CCDC174: variants seen among roughly 807,000 people sequenced by gnomAD.
CCDC174 encodes the protein coiled-coil domain-containing protein 174.
Under a neutral mutation model 57.1 loss-of-function variants are expected in CCDC174, and 37 were observed. The ratio of observed to expected loss-of-function variants is 0.65; its 90% CI spans 0.50 to 0.85. The LOEUF (loss-of-function observed/expected upper bound fraction) is 0.85, where lower values mean the gene tolerates loss of function less well. Ranked by LOEUF, CCDC174 falls within the 40% of genes least tolerant of loss-of-function variation. The pLI, the probability that CCDC174 is intolerant of heterozygous loss-of-function variation, is 0.00. For synonymous variants in CCDC174, 182 were observed against 190.2 expected, an observed-to-expected ratio of 0.96 and a Z score of 0.35; for missense variants, 540 against 574.3, an observed-to-expected ratio of 0.94 and a Z score of 0.61.
chr3:14,651,809 T>A lies in CCDC174; in HGVS notation c.-28T>A. Reference sequence around the variant, plus strand: ...GCCTGTGTCGGGTAGAAAGGGTCCTTCCTGGACCGGGACCCTCTGCCACGA... The same window carrying A: ...GCCTGTGTCGGGTAGAAAGGGTCCTACCTGGACCGGGACCCTCTGCCACGA... On this transcript the variant is annotated 5_prime_UTR_variant, in exon 1 of 11. Coordinates refer to ENST00000383794, the MANE Select transcript of CCDC174 (RefSeq NM_016474.5). 1 of 1,613,410 alleles carries A rather than the reference T, an allele frequency of 6.2e-7. No individual in the cohort carries two copies. The highest frequency in any genetic ancestry group is 8.5e-7 in the Non-Finnish European group (1 of 1,179,336).
chr3:14,670,023 G>A lies in CCDC174; in HGVS notation c.1042G>A (p.Val348Ile). ...AAQSSKVEVI[V>I]QERKDTKPGV... ...CCAGAGTAGCAAAGTAGAAGTCATT[G>A]TCCAGGAGAGGAAGGACACCAAGCC... The change falls in exon 10 of 11, where the codon GTC becomes ATC. Residue 348 changes from valine to isoleucine, a missense_variant. Physicochemically the swap from Val to Ile is conservative, Grantham distance 29 (BLOSUM62 3). Transcript: ENST00000383794. 1 of 1,611,290 alleles carries A rather than the reference G, an allele frequency of 6.2e-7. No individual in the cohort carries two copies. Among genetic ancestry groups the A allele is most frequent in the Non-Finnish European group, 8.5e-7 (1 of 1,179,246 alleles).
intron 9 of CCDC174, 34 bp from the exon 10 acceptor site, chr3:14,669,900 T>G (rs2031458038): frequency 1.2e-6 from 2 of 1,607,188 alleles, no homozygotes; most frequent in South Asian, 2.2e-5. Flanking sequence ...TTAGGCTTTT[T>G]TATAACAGTG....
At chr3:14,665,274 A>G in intron 6 of CCDC174, 151 bp downstream of exon 6, 3 of 645,762 alleles carry the variant, frequency 4.6e-6, no homozygotes, top group Non-Finnish European at 8.3e-6. Context: ...AGCACTTTTT[A>G]GTGGTTAGCA....
intron 9 of CCDC174, among the ~76,000 whole-genome samples, chr3:14,669,507 T>C (rs1169536600): frequency 6.6e-6 from 1 of 152,164 alleles, no homozygotes; most frequent in Admixed American, 6.5e-5. Context: ...AGACCCCAGC[T>C]GTTCATCCCC....
intron 7 of CCDC174, chr3:14,667,148 T>C: frequency 1.6e-6 from 1 of 623,350 alleles, no homozygotes; most frequent in Non-Finnish European, 2.8e-6. Context: ...GAGGGTCTGG[T>C]AATCCAAGGG....
chr3:14,668,183 T>C lies in CCDC174; in HGVS notation c.952+2T>C. 1 of 1,585,612 alleles carries C rather than the reference T, an allele frequency of 6.3e-7. No individual in the cohort carries two copies. Among genetic ancestry groups the C allele is most frequent in the Non-Finnish European group, 8.6e-7 (1 of 1,160,968 alleles). On this transcript the variant is annotated splice_donor_variant, in intron 9 of 10. Coordinates refer to ENST00000383794, the MANE Select transcript of CCDC174 (RefSeq NM_016474.5). LOFTEE classifies it high-confidence loss of function. ...GTGGAACAGAAGAAGAAAATAGAGG[T>C]ATATCATGGCTATGTTGCTGAACTT...
chr3:14,662,271 G>A (rs2031165089), intron 5 of CCDC174, among the ~76,000 whole-genome samples: 1 of 152,068 alleles, frequency 6.6e-6, no homozygotes, highest in African/African-American at 2.4e-5. Context: ...TGAGGCTCAG[G>A]ATCTTCCATT....
chr3:14,667,615 T>A, intron 8 of CCDC174, 97 bp downstream of exon 8: 1 of 893,968 alleles, frequency 1.1e-6, no homozygotes, highest in Non-Finnish European at 1.8e-6. Flanking sequence ...AGTTAGAAAT[T>A]AAAATTGATA....
At chr3:14,666,780 A>G (rs1559382984) in intron 6 of CCDC174, 25 bp from the exon 7 acceptor site, 1 of 1,555,304 alleles carries the variant, frequency 6.4e-7, no homozygotes, top group East Asian at 2.3e-5. Flanking sequence ...ATCTGAAGAT[A>G]GTTTTTGCTC....
At chr3:14,652,019 T>G in intron 1 of CCDC174, 141 bp downstream of exon 1, 1 of 840,672 alleles carries the variant, frequency 1.2e-6, no homozygotes, top group Non-Finnish European at 1.9e-6. Context: ...CCGAACTGGA[T>G]TTTCTTCTCC....
intron 9 of CCDC174, among the ~76,000 whole-genome samples, chr3:14,668,498 T>C (rs2031412727): frequency 6.6e-6 from 1 of 152,206 alleles, no homozygotes; most frequent in Admixed American, 6.5e-5. Flanking sequence ...TGTTTTAGAC[T>C]TAAATTTTTT....
At chr3:14,670,535 A>G (rs3773491) in intron 10 of CCDC174, among the ~76,000 whole-genome samples, 50,205 of 152,174 alleles carry the variant, frequency 0.33, 8,430 homozygotes, top group Admixed American at 0.39. Flanking sequence ...AGAAATAGAG[A>G]TGAAATACCA....
chr3:14,662,491 A>G (rs980883451), intron 5 of CCDC174, among the ~76,000 whole-genome samples: 3 of 152,208 alleles, frequency 2.0e-5, no homozygotes, highest in African/African-American at 7.2e-5. Context: ...TCTTTTCCTT[A>G]AAGAGACTTT....
intron 4 of CCDC174, among the ~76,000 whole-genome samples, chr3:14,661,142 T>C (rs969818751): frequency 3.3e-5 from 5 of 152,210 alleles, no homozygotes; most frequent in African/African-American, 9.7e-5. Flanking sequence ...GAGACAGATA[T>C]ATAACGCCTA....
intron 1 of CCDC174, 64 bp downstream of exon 1, chr3:14,651,942 T>C (rs1334521933): frequency 5.3e-6 from 8 of 1,518,052 alleles, no homozygotes; most frequent in Middle Eastern, 1.7e-4. Flanking sequence ...CAGACAAGAA[T>C]GTCGACCTAG....
chr3:14,663,265 C>T (rs1192982940), intron 5 of CCDC174, among the ~76,000 whole-genome samples: 1 of 152,280 alleles, frequency 6.6e-6, no homozygotes, highest in East Asian at 1.9e-4. Flanking sequence ...CCTGGGCCTC[C>T]CAAAGTGCTG....
chr3:14,668,151 A>G lies in CCDC174; in HGVS notation c.922A>G (p.Lys308Glu). ...TCGACAAAAAAAGATGAAAAAATCAAAAGAAGGTGGAACAGAAGAAGAAAA... is the reference window on the plus strand; with the variant it reads ...TCGACAAAAAAAGATGAAAAAATCAGAAGAAGGTGGAACAGAAGAAGAAAA... ...KLRQKKMKKS[K>E]EGGTEEENRD... is the part of the protein sequence containing the mutation. The change falls in exon 9 of 11, where the codon AAA (lysine) becomes GAA (glutamate). Residue 308 changes from lysine to glutamate, a missense_variant. Lys to Glu is a moderately conservative substitution (Grantham distance 56). Transcript: ENST00000383794. The G allele has an allele frequency of 6.2e-7, 1 of 1,611,856 alleles. No homozygotes were observed. Among genetic ancestry groups the G allele is most frequent in the Non-Finnish European group, 8.5e-7 (1 of 1,179,232 alleles).
chr3:14,660,429 G>A (rs759844798), intron 4 of CCDC174, among the ~76,000 whole-genome samples: 4 of 152,202 alleles, frequency 2.6e-5, no homozygotes, highest in East Asian at 3.9e-4. Flanking sequence ...ACTTGAACCC[G>A]CGAGGCGGAG....
At chr3:14,670,724 T>G (rs150355920) in intron 10 of CCDC174, among the ~76,000 whole-genome samples, 172 bp from the exon 11 acceptor site, 54 of 152,360 alleles carry the variant, frequency 3.5e-4, no homozygotes, top group African/African-American at 1.2e-3. Flanking sequence ...TCTTTTATAC[T>G]CGTTGTAGGT....
Sources: gnomAD v4.1 joint callset for allele counts (sites outside exome capture counted in the v4.1 genomes callset) on GRCh38, gnomAD v4.1.1 for gene constraint, MANE v1.5 for transcripts, NCBI Gene and HGNC (gene_info 2026-07-23, HGNC 2026-07-21) for gene names.